RERE: variants seen among roughly 807,000 people sequenced by gnomAD.
The protein encoded by RERE is arginine-glutamic acid dipeptide repeats protein.
A neutral mutation model predicts 146.1 loss-of-function variants in RERE; 40 were observed. The observed-to-expected ratio is 0.27, with a 90% CI of 0.21 to 0.36. RERE has a LOEUF of 0.36. RERE is among the 10% of genes least tolerant of loss of function. RERE has a pLI of 1.00. For missense variants in RERE, 1,933 were observed against 2,138.7 expected (o/e 0.90, Z 1.90); for synonymous variants, 1,003 against 866.0 (o/e 1.16, Z -2.78).
chr1:8,662,369 T>C (rs1638474562), intron 1 of RERE, among the ~76,000 whole-genome samples: 1 of 152,158 alleles, frequency 6.6e-6, no homozygotes, highest in African/African-American at 2.4e-5. Context: ...ATGGTCCAAA[T>C]CTCATTTAAG....
chr1:8,550,301 A>G (rs977208191), intron 6 of RERE, among the ~76,000 whole-genome samples: 1 of 152,230 alleles, frequency 6.6e-6, no homozygotes, highest in Non-Finnish European at 1.5e-5. Context: ...AGATTAATAA[A>G]AAGTGTTAAA....
At chr1:8,438,232 C>G (rs1485142028) in intron 11 of RERE, among the ~76,000 whole-genome samples, 1 of 141,920 alleles carries the variant, frequency 7.0e-6, no homozygotes. Flanking sequence ...TTCAAGCAAT[C>G]CTGCTGCCTC....
intron 1 of RERE, among the ~76,000 whole-genome samples, chr1:8,811,007 C>A (rs1056029407): frequency 6.6e-6 from 1 of 152,168 alleles, no homozygotes; most frequent in Non-Finnish European, 1.5e-5. Context: ...TAACTGACTA[C>A]GAGTTATGAC....
chr1:8,454,267 G>A (rs1644423985), intron 11 of RERE, among the ~76,000 whole-genome samples: 1 of 151,956 alleles, frequency 6.6e-6, no homozygotes, highest in African/African-American at 2.4e-5. Context: ...AAAGGACACT[G>A]TGTGTGTGTG....
intron 8 of RERE, among the ~76,000 whole-genome samples, chr1:8,500,586 T>C (rs12065127): frequency 0.57 from 85,369 of 148,504 alleles, 24,652 homozygotes; most frequent in East Asian, 0.82. Flanking sequence ...GCCGCCTGCC[T>C]TGGCCCCCCA....
chr1:8,491,133 T>C (rs1339245648), intron 10 of RERE, among the ~76,000 whole-genome samples: 1 of 150,576 alleles, frequency 6.6e-6, no homozygotes, highest in Non-Finnish European at 1.5e-5. Context: ...TGAGACATCA[T>C]CTCTGCAAGT....
chr1:8,594,062 G>A (rs1028042597), intron 4 of RERE, among the ~76,000 whole-genome samples: 4 of 152,070 alleles, frequency 2.6e-5, no homozygotes, highest in Admixed American at 6.6e-5. Flanking sequence ...AACAACTGAC[G>A]CTCCCATTTT....
intron 16 of RERE, among the ~76,000 whole-genome samples, chr1:8,362,253 A>C (rs1570042402): frequency 1.3e-5 from 2 of 152,198 alleles, no homozygotes; most frequent in Admixed American, 1.3e-4. Context: ...GAAGTAACCT[A>C]GGGATGATTT....
intron 4 of RERE, among the ~76,000 whole-genome samples, chr1:8,605,116 C>CA (rs1363322047): frequency 6.6e-6 from 1 of 152,072 alleles, no homozygotes; most frequent in African/African-American, 2.4e-5. Flanking sequence ...AAAAACAGGA[C>CA]AAATCAACTC....
At chr1:8,382,266 A>G (rs1360923366) in intron 12 of RERE, among the ~76,000 whole-genome samples, 1 of 152,274 alleles carries the variant, frequency 6.6e-6, no homozygotes, top group African/African-American at 2.4e-5. Flanking sequence ...CAGTAATGAC[A>G]GCTCTCTGCC....
Position 8,760,943 on chromosome 1 carries a change from AC to A in RERE, c.-145+56216del, listed in dbSNP as rs373445102. ...ACATTATCCCACTAATGTATAAACAACCCTATCATTTAGCTATTATCAGCTC... is the reference window on the plus strand; with the variant it reads ...ACATTATCCCACTAATGTATAAACAACCTATCATTTAGCTATTATCAGCTC... On this transcript the variant is annotated intron_variant, in intron 1 of 22. Coordinates refer to ENST00000400908, the MANE Select transcript of RERE (RefSeq NM_001042681.2). Among the ~76,000 whole-genome samples the A allele has an allele frequency of 8.5e-5, 13 of 152,242 alleles. No homozygotes were observed. The East Asian group carries it at 1.7e-3, about 20-fold the overall frequency.
intron 12 of RERE, among the ~76,000 whole-genome samples, chr1:8,376,373 A>C (rs1002791709): frequency 6.6e-6 from 1 of 152,228 alleles, no homozygotes; most frequent in South Asian, 2.1e-4. Context: ...CATGGACTAC[A>C]GAACTGCACC....
In RERE at chr1:8,501,034, G is replaced by C. The variant is rs1370502051; in HGVS notation, c.880-3505C>G. On this transcript the variant is annotated intron_variant, in intron 8 of 22. Transcript: ENST00000400908. ...CCCGGCAGCCACCCCGTCCGGGAGG[G>C]GGGGGGGGGGTCAGCCCCCCGCCCG... Among the ~76,000 whole-genome samples, 2 of 133,528 alleles carry C rather than the reference G, an allele frequency of 1.5e-5. 1 individual carries two copies. The highest frequency in any genetic ancestry group is 3.1e-5 in the Non-Finnish European group (2 of 63,554). The allele number at this position is 133,528 out of a possible 152,430, so 87.6% of individuals were successfully genotyped here.
chr1:8,600,843 C>T (rs1646614030), intron 4 of RERE, among the ~76,000 whole-genome samples: 1 of 150,092 alleles, frequency 6.7e-6, no homozygotes, highest in Admixed American at 6.6e-5. Context: ...CAAGCTCCGC[C>T]TCCAGGGTTC....
intron 6 of RERE, among the ~76,000 whole-genome samples, chr1:8,549,990 A>G (rs1246283644): frequency 6.6e-6 from 1 of 152,234 alleles, no homozygotes; most frequent in African/African-American, 2.4e-5. Flanking sequence ...GATCCCATAT[A>G]AGATCCTAGA....
intron 1 of RERE, among the ~76,000 whole-genome samples, chr1:8,663,652 A>C (rs1358006336): frequency 6.6e-6 from 1 of 152,138 alleles, no homozygotes; most frequent in Non-Finnish European, 1.5e-5. Context: ...TTTTCATAAT[A>C]GCTCAATTCA....
At position 8,361,132 on chromosome 1, in the gene RERE, G is replaced by A; in HGVS notation, c.2375C>T (p.Thr792Ile). The A allele has an allele frequency of 6.9e-7, 1 of 1,445,852 alleles. No individual in the cohort carries two copies. Among genetic ancestry groups the A allele is most frequent in the Non-Finnish European group, 9.1e-7 (1 of 1,104,338 alleles). The allele number at this position is 1,445,852 out of a possible 1,614,324, so 89.6% of individuals were successfully genotyped here. A position where few individuals can be genotyped will look rare whatever the true frequency, so the allele number is the denominator to read the frequency against. ...SQAPNQPQAPTAPVPHTHIQQ... is the reference protein window; with the variant it reads ...SQAPNQPQAPIAPVPHTHIQQ... The stretch of plus-strand genomic sequence containing the variant: ...GATGTGGGTGTGGGGAACAGGCGCT[G>A]TGGGAGCCTGTGGCTGGTTAGGGGC... The change falls in exon 18 of 23, where the codon ACA becomes ATA. Residue 792 changes from threonine to isoleucine, a missense_variant. Thr to Ile is a moderately conservative substitution (Grantham distance 89). Around this residue, in one of 11 missense-constraint regions of RERE, gnomAD observed 1,255 missense variants for 1,153.8 expected, o/e 1.09. Coordinates refer to ENST00000400908, the MANE Select transcript of RERE (RefSeq NM_001042681.2).
intron 7 of RERE, among the ~76,000 whole-genome samples, chr1:8,537,342 T>C (rs1351649918): frequency 6.6e-6 from 1 of 152,220 alleles, no homozygotes; most frequent in East Asian, 1.9e-4. Context: ...ACAGCAAATA[T>C]ATCACAGCAT....
chr1:8,625,548 C>A (rs1400371053), intron 2 of RERE, among the ~76,000 whole-genome samples: 1 of 152,158 alleles, frequency 6.6e-6, no homozygotes, highest in Non-Finnish European at 1.5e-5. Flanking sequence ...TGAAGCTATC[C>A]CCCTGCCTCG....
Sources: gnomAD v4.1 joint callset for allele counts (sites outside exome capture counted in the v4.1 genomes callset) on GRCh38, gnomAD v4.1.1 for gene constraint, gnomAD v4.1.1 regional missense constraint, MANE v1.5 for transcripts, NCBI Gene and HGNC (gene_info 2026-07-23, HGNC 2026-07-21) for gene names.